The following CPED1 variants were observed in gnomAD, a reference collection of about 807,000 sequenced individuals.
The protein encoded by CPED1 is cadherin like and PC-esterase domain containing 1.
In CPED1, 114 loss-of-function variants were observed where a neutral mutation model predicts 128.2. That is an observed-to-expected ratio of 0.89 (90% confidence interval 0.76 to 1.04). The LOEUF (loss-of-function observed/expected upper bound fraction) is 1.04. Among genes scored for constraint, CPED1 ranks in the 50% least tolerant of loss-of-function variants. The probability of loss-of-function intolerance (pLI) is 0.00; values close to 1 mark genes in which losing one functional copy is unlikely to be tolerated. For missense variants in CPED1, 1,211 were observed against 1,207.1 expected (o/e 1.00, Z -0.05); for synonymous variants, 462 against 426.7 (o/e 1.08, Z -1.02).
At chr7:121,283,494 T>G (rs1313215256) in intron 22 of CPED1, among the ~76,000 whole-genome samples, 3 of 152,242 alleles carry the variant, frequency 2.0e-5, no homozygotes, top group Non-Finnish European at 4.4e-5. Context: ...CCAGCTCCTG[T>G]GCTAAGCTCT....
chr7:121,086,975 C>G (rs747906843), intron 5 of CPED1, among the ~76,000 whole-genome samples: 20 of 152,218 alleles, frequency 1.3e-4, no homozygotes, highest in South Asian at 8.3e-4. Context: ...AACCTAACCC[C>G]AGCCATGAGG....
intron 5 of CPED1, among the ~76,000 whole-genome samples, chr7:121,085,196 G>A (rs1563019789): frequency 6.6e-6 from 1 of 152,196 alleles, no homozygotes; most frequent in African/African-American, 2.4e-5. Flanking sequence ...TCCTGCTGCT[G>A]CAGCTGCCTG....
chr7:121,249,133 G>A (rs1333292650), intron 18 of CPED1, among the ~76,000 whole-genome samples: 1 of 151,930 alleles, frequency 6.6e-6, no homozygotes, highest in Non-Finnish European at 1.5e-5. Flanking sequence ...AAAGAAAAAA[G>A]TACTTGAAAA....
chr7:121,210,626 A>T (rs949921672), intron 16 of CPED1, among the ~76,000 whole-genome samples: 3 of 151,954 alleles, frequency 2.0e-5, no homozygotes, highest in African/African-American at 7.2e-5. Flanking sequence ...ACTCATGGAG[A>T]TAGAGAGTAG....
chr7:121,028,803 A>G (rs1052015123), intron 3 of CPED1, among the ~76,000 whole-genome samples: 2 of 152,222 alleles, frequency 1.3e-5, no homozygotes, highest in African/African-American at 2.4e-5. Flanking sequence ...TTTAAGGTCC[A>G]TTCCATTTGG....
chr7:121,130,387 C>A (rs1554439010), intron 12 of CPED1, 93 bp downstream of exon 12: 1 of 977,804 alleles, frequency 1.0e-6, no homozygotes, highest in Non-Finnish European at 1.5e-6. Context: ...AAGCAAGCAG[C>A]AACAACAAAA....
chr7:121,150,214 C>T (rs1337766433), intron 16 of CPED1, among the ~76,000 whole-genome samples: 1 of 150,506 alleles, frequency 6.6e-6, no homozygotes, highest in African/African-American at 2.4e-5. Context: ...CTCCCTTTCT[C>T]CCCCATCTAG....
At chr7:121,227,921 A>G (rs1798052875) in intron 16 of CPED1, among the ~76,000 whole-genome samples, 1 of 152,106 alleles carries the variant, frequency 6.6e-6, no homozygotes. Context: ...AGATTTGCAA[A>G]ATATTTTTGG....
At chr7:121,250,393 A>G (rs1455355246) in intron 18 of CPED1, among the ~76,000 whole-genome samples, 3 of 151,846 alleles carry the variant, frequency 2.0e-5, no homozygotes, top group Non-Finnish European at 4.4e-5. Flanking sequence ...TTGACACCCT[A>G]ACATCACAAT....
intron 11 of CPED1, 107 bp downstream of exon 11, chr7:121,128,593 A>C: frequency 1.5e-6 from 1 of 655,206 alleles, no homozygotes; most frequent in South Asian, 2.0e-5. Flanking sequence ...TTCTTTAAGA[A>C]ATAGAAATCT....
At chr7:121,138,049 A>G (rs1285678646) in intron 14 of CPED1, among the ~76,000 whole-genome samples, 2 of 152,040 alleles carry the variant, frequency 1.3e-5, no homozygotes, top group Non-Finnish European at 2.9e-5. Flanking sequence ...TATGCTGATA[A>G]AAATTAGTCC....
intron 16 of CPED1, among the ~76,000 whole-genome samples, chr7:121,223,370 C>T (rs955773714): frequency 4.6e-5 from 7 of 151,870 alleles, no homozygotes; most frequent in Non-Finnish European, 7.4e-5. Context: ...AGTATTTTAT[C>T]GAGGATTTTC....
chr7:120,999,718 A>G (rs933548587), intron 2 of CPED1, among the ~76,000 whole-genome samples: 37 of 152,328 alleles, frequency 2.4e-4, no homozygotes, highest in African/African-American at 8.4e-4. Context: ...CTGCCTGATG[A>G]GCATTTAATG....
At chr7:121,125,645 CT>C (rs897918294) in intron 8 of CPED1, among the ~76,000 whole-genome samples, 174 bp from the exon 9 acceptor site, 55 of 152,200 alleles carry the variant, frequency 3.6e-4, no homozygotes, top group South Asian at 1.0e-3. Flanking sequence ...TGAACTCATC[CT>C]TTTTTTATGG....
chr7:121,003,938 A>C (rs1315997516), intron 2 of CPED1, among the ~76,000 whole-genome samples: 1 of 152,188 alleles, frequency 6.6e-6, no homozygotes, highest in Non-Finnish European at 1.5e-5. Flanking sequence ...GTGCTGAAGG[A>C]AACTTGGTCT....
chr7:121,110,254 C>T (rs891076715), intron 7 of CPED1, among the ~76,000 whole-genome samples: 1 of 152,112 alleles, frequency 6.6e-6, no homozygotes, highest in Non-Finnish European at 1.5e-5. Flanking sequence ...TGTTGGGCTC[C>T]AGTAGCATAG....
intron 5 of CPED1, among the ~76,000 whole-genome samples, chr7:121,085,845 G>C (rs994425538): frequency 1.3e-5 from 2 of 152,152 alleles, no homozygotes; most frequent in Non-Finnish European, 2.9e-5. Flanking sequence ...CTATTTGGGG[G>C]GTTGTCATGG....
chr7:121,230,227 A>C (rs1427122042), intron 16 of CPED1, among the ~76,000 whole-genome samples: 2 of 152,066 alleles, frequency 1.3e-5, no homozygotes, highest in Non-Finnish European at 2.9e-5. Flanking sequence ...GAAATCAAGA[A>C]GAGAAAGTTG....
At chr7:121,036,862 G>T (rs1367140539) in intron 3 of CPED1, among the ~76,000 whole-genome samples, 2 of 152,016 alleles carry the variant, frequency 1.3e-5, no homozygotes, top group Non-Finnish European at 1.5e-5. Flanking sequence ...TCACATTGTG[G>T]TTTTGATTTG....
Sources: allele counts gnomAD v4.1 joint callset (sites outside exome capture counted in the v4.1 genomes callset), GRCh38; gene constraint gnomAD v4.1.1; transcripts MANE v1.5; gene names NCBI Gene and HGNC (gene_info 2026-07-23, HGNC 2026-07-21).